Variants in SNTG2 observed in about 807,000 individuals in gnomAD.
The protein encoded by SNTG2 is syntrophin gamma 2.
In SNTG2, 74 loss-of-function variants were observed where a neutral mutation model predicts 70.9. The observed-to-expected ratio is 1.04, with a 90% confidence interval of 0.86 to 1.27. SNTG2 has a LOEUF of 1.27. Among genes scored for constraint, SNTG2 ranks in the 50% most tolerant of loss-of-function variants. SNTG2 has a pLI of 0.00. For synonymous variants in SNTG2, 278 were observed against 273.8 expected (o/e 1.02, Z -0.15); for missense variants, 717 against 690.7 (o/e 1.04, Z -0.43).
intron 9 of SNTG2, among the ~76,000 whole-genome samples, chr2:1,223,966 A>G (rs559156659): frequency 6.6e-6 from 1 of 152,298 alleles, no homozygotes; most frequent in African/African-American, 2.4e-5. Flanking sequence ...TGCAGCAGGC[A>G]TGCGTCCCTC....
chr2:1,182,755 G>GT (rs985103200), intron 8 of SNTG2, among the ~76,000 whole-genome samples: 127 of 152,170 alleles, frequency 8.3e-4, no homozygotes, highest in African/African-American at 2.3e-3. Context: ...TTTTTTGTTT[G>GT]TTTGTTTGCT....
intron 4 of SNTG2, chr2:1,102,845 A>T (rs1054122888): frequency 6.6e-6 from 1 of 152,368 alleles, no homozygotes; most frequent in African/African-American, 2.4e-5. Context: ...AAGGCTGGAC[A>T]CTTGCCTGAT....
chr2:971,388 A>G (rs1267049262), intron 1 of SNTG2, among the ~76,000 whole-genome samples: 3 of 151,964 alleles, frequency 2.0e-5, no homozygotes, highest in African/African-American at 7.3e-5. Context: ...TCTCCCTTGG[A>G]AAGTTGTATG....
chr2:1,193,304 G>T (rs1672712241), intron 8 of SNTG2, among the ~76,000 whole-genome samples: 1 of 152,192 alleles, frequency 6.6e-6, no homozygotes, highest in Non-Finnish European at 1.5e-5. Flanking sequence ...AACTGGGGAG[G>T]CTCTCGGCAC....
At chr2:995,221 G>T (rs1661639149) in intron 1 of SNTG2, among the ~76,000 whole-genome samples, 1 of 152,020 alleles carries the variant, frequency 6.6e-6, no homozygotes, top group African/African-American at 2.4e-5. Context: ...ACTTTTATCA[G>T]ATTGAGGAAG....
At chr2:1,156,686 A>G (rs1422724992) in intron 6 of SNTG2, among the ~76,000 whole-genome samples, 2 of 152,044 alleles carry the variant, frequency 1.3e-5, no homozygotes, top group Non-Finnish European at 2.9e-5. Flanking sequence ...AGGACGAGGG[A>G]CCAGGGGTTC....
chr2:1,246,406 G>C (rs556789753), intron 11 of SNTG2, among the ~76,000 whole-genome samples: 1 of 152,248 alleles, frequency 6.6e-6, no homozygotes, highest in African/African-American at 2.4e-5. Flanking sequence ...TGGAGCTGGC[G>C]CCGGCTGTGA....
intron 1 of SNTG2, among the ~76,000 whole-genome samples, chr2:1,061,964 A>C (rs1662854062): frequency 6.6e-6 from 1 of 152,248 alleles, no homozygotes. Flanking sequence ...TAACAAAGAA[A>C]TATGTATCAC....
At chr2:1,330,595 G>A (rs924373878) in intron 16 of SNTG2, among the ~76,000 whole-genome samples, 2 of 152,202 alleles carry the variant, frequency 1.3e-5, no homozygotes, top group Admixed American at 1.3e-4. Context: ...CTTATTATCA[G>A]ATTTCAGGTG....
intron 9 of SNTG2, among the ~76,000 whole-genome samples, chr2:1,223,647 C>T (rs1433307557): frequency 6.6e-6 from 1 of 152,210 alleles, no homozygotes; most frequent in African/African-American, 2.4e-5. Flanking sequence ...CTATCAGTGA[C>T]ATCATTCGTA....
intron 9 of SNTG2, 38 bp from the exon 10 acceptor site, chr2:1,237,850 C>T (rs1184550979): frequency 3.2e-6 from 5 of 1,569,168 alleles, no homozygotes; most frequent in Non-Finnish European, 4.3e-6. Context: ...CCGCTCCCGT[C>T]GCTGCGGGGC....
intron 2 of SNTG2, 58 bp from the exon 3 acceptor site, chr2:1,098,138 C>A: frequency 6.5e-7 from 1 of 1,546,184 alleles, no homozygotes; most frequent in Non-Finnish European, 8.9e-7. Flanking sequence ...CTTTTGAATT[C>A]ACTTTCTGAT....
intron 8 of SNTG2, among the ~76,000 whole-genome samples, chr2:1,181,288 G>A (rs1198417273): frequency 6.6e-6 from 1 of 152,170 alleles, no homozygotes; most frequent in Admixed American, 6.5e-5. Flanking sequence ...ACCTAGCAAA[G>A]TGGTAATACT....
chr2:1,135,070 A>T (rs1265069283), intron 4 of SNTG2, among the ~76,000 whole-genome samples: 1 of 152,162 alleles, frequency 6.6e-6, no homozygotes, highest in African/African-American at 2.4e-5. Flanking sequence ...CTGCTGACCC[A>T]TGGGCTCAGC....
chr2:1,288,123 A>C (rs1679841553), intron 14 of SNTG2, among the ~76,000 whole-genome samples: 1 of 152,248 alleles, frequency 6.6e-6, no homozygotes. Context: ...TATACAGCTT[A>C]AGATGGTGCC....
Position 1,316,352 on chromosome 2 carries a change from G to A in SNTG2, c.1465G>A (p.Asp489Asn). 6.5e-7 allele frequency: 1 copy of A among 1,543,090 alleles called. No individual in the cohort carries two copies. Among genetic ancestry groups the A allele is most frequent in the Non-Finnish European group, 8.8e-7 (1 of 1,139,384 alleles). ...TRVKLLFQNL[D>N]TKQIETKELE... Reference sequence around the variant, plus strand: ...AGTAAAGCTGCTGTTTCAGAATCTGGACACCAAACAGATTGAGACGAAGGT... The same window carrying A: ...AGTAAAGCTGCTGTTTCAGAATCTGAACACCAAACAGATTGAGACGAAGGT... Residue 489 changes from aspartate (D) to asparagine (N), a missense_variant, in exon 16 of 17, where the codon GAC (aspartate) becomes AAC (asparagine). Physicochemically the swap from Asp to Asn is conservative, Grantham distance 23. Transcript: ENST00000308624.
chr2:1,232,361 A>G (rs1272664572), intron 9 of SNTG2, among the ~76,000 whole-genome samples: 2 of 151,976 alleles, frequency 1.3e-5, no homozygotes, highest in South Asian at 2.1e-4. Context: ...GTGCAGTGAT[A>G]TGATCTCGGC....
chr2:1,304,205 A>C (rs938490489), intron 14 of SNTG2, among the ~76,000 whole-genome samples: 4 of 152,236 alleles, frequency 2.6e-5, no homozygotes, highest in African/African-American at 9.6e-5. Flanking sequence ...AGAAAGCACT[A>C]GGTGACCTAC....
chr2:1,221,036 C>T (rs1376303153), intron 9 of SNTG2, among the ~76,000 whole-genome samples: 4 of 152,266 alleles, frequency 2.6e-5, no homozygotes, highest in Admixed American at 6.5e-5. Context: ...GAGTTGCCTT[C>T]TCTGGGTGGA....
Sources: gnomAD v4.1 joint callset for allele counts (sites outside exome capture counted in the v4.1 genomes callset) on GRCh38, gnomAD v4.1.1 for gene constraint, MANE v1.5 for transcripts, NCBI Gene and HGNC (gene_info 2026-07-23, HGNC 2026-07-21) for gene names.